Variants in WDR72 observed in about 807,000 individuals in gnomAD.
WDR72 encodes WD repeat-containing protein 72.
Under a neutral mutation model 124.2 loss-of-function variants are expected in WDR72, and 120 were observed. The observed-to-expected ratio is 0.97, with a 90% CI of 0.83 to 1.12. WDR72 has a LOEUF of 1.12. Among genes scored for constraint, WDR72 ranks in the 50% most tolerant of loss-of-function variants. The probability of loss-of-function intolerance (pLI) is 0.00; values close to 1 mark genes in which losing one functional copy is unlikely to be tolerated. For synonymous variants in WDR72, 452 were observed against 441.7 expected (o/e 1.02, Z -0.29); for missense variants, 1,387 against 1,278.8 (o/e 1.08, Z -1.29).
intron 18 of WDR72, among the ~76,000 whole-genome samples, chr15:53,567,371 G>T (rs1894339503): frequency 6.6e-6 from 1 of 151,782 alleles, no homozygotes; most frequent in Non-Finnish European, 1.5e-5. Context: ...TCAATTGATG[G>T]GTTCAGACTC....
At chr15:53,569,826 T>C (rs149156726) in intron 18 of WDR72, among the ~76,000 whole-genome samples, 201 of 152,232 alleles carry the variant, frequency 1.3e-3, no homozygotes, top group Admixed American at 4.5e-3. Context: ...TCATTACTTT[T>C]ATTTTGCTTA....
At chr15:53,643,735 T>A (rs1428894567) in intron 14 of WDR72, among the ~76,000 whole-genome samples, 2 of 131,440 alleles carry the variant, frequency 1.5e-5, no homozygotes, top group Admixed American at 1.4e-4. Flanking sequence ...TGTATGTATC[T>A]GTGTGTGTGC....
intron 18 of WDR72, among the ~76,000 whole-genome samples, chr15:53,558,490 A>G (rs1894009342): frequency 6.6e-6 from 1 of 152,080 alleles, no homozygotes; most frequent in South Asian, 2.1e-4. Context: ...TACTCCATAG[A>G]TACTATCCCC....
chr15:53,702,698 C>A (rs1173978538), intron 11 of WDR72, among the ~76,000 whole-genome samples: 1 of 152,066 alleles, frequency 6.6e-6, no homozygotes, highest in Non-Finnish European at 1.5e-5. Context: ...CATGGTGAAA[C>A]CCCATCTCTA....
At chr15:53,615,210 G>A (rs2013704915) in intron 15 of WDR72, among the ~76,000 whole-genome samples, 1 of 151,806 alleles carries the variant, frequency 6.6e-6, no homozygotes, top group South Asian at 2.1e-4. Context: ...TTGAGTTAAT[G>A]AATTTTAAAT....
chr15:53,716,506 A>G lies in WDR72; in HGVS notation c.339+101T>C, dbSNP rs1394579846. ...CTCATGACAAAATAAAAATTCAAGC[A>G]AAGAATATTCTCCAAAGATGTTTCT... On this transcript the variant is annotated intron_variant, in intron 4 of 19. Transcript: ENST00000360509. The G allele has an allele frequency of 4.6e-6, 4 of 860,786 alleles. No individual in the cohort carries two copies. The African/African-American group carries it at 6.6e-5, about 14-fold the overall frequency. 53.3% of individuals were successfully genotyped at this position (860,786 alleles called of 1,614,324 possible).
intron 14 of WDR72, among the ~76,000 whole-genome samples, chr15:53,658,305 C>T (rs147517176): frequency 6.2e-4 from 95 of 152,144 alleles, no homozygotes; most frequent in Non-Finnish European, 7.5e-4. Flanking sequence ...CATAACAGCT[C>T]GCAATGGTAG....
chr15:53,546,548 A>T (rs918563825), intron 18 of WDR72, among the ~76,000 whole-genome samples: 2 of 152,014 alleles, frequency 1.3e-5, no homozygotes, highest in African/African-American at 2.4e-5. Context: ...TAGCATTGGG[A>T]GATATACCTA....
chr15:53,564,273 G>C (rs955199310), intron 18 of WDR72, among the ~76,000 whole-genome samples: 1 of 151,736 alleles, frequency 6.6e-6, no homozygotes, highest in Admixed American at 6.6e-5. Context: ...ATGAGGAATA[G>C]TTATATACTG....
rs183713437 is a variant in WDR72, at chr15:53,629,743, T to C, written c.1963-13500A>G. On this transcript the variant is annotated intron_variant, in intron 14 of 19. Coordinates refer to ENST00000360509, the MANE Select transcript of WDR72 (RefSeq NM_182758.4). ...TGTCCTAGCATTTTAATTTGCCTTA[T>C]TCTCATTGCCCCTCTCTAGCTCCAC... 3.8e-3 allele frequency among the ~76,000 whole-genome samples: 577 copies of C among 152,078 alleles called. 3 individuals carry two copies. Among genetic ancestry groups the C allele is most frequent in the Non-Finnish European group, 5.8e-3 (397 of 67,940 alleles).
chr15:53,673,746 T>G (rs1178766502), intron 13 of WDR72, among the ~76,000 whole-genome samples: 1 of 152,132 alleles, frequency 6.6e-6, no homozygotes, highest in Non-Finnish European at 1.5e-5. Context: ...TCCCAGCACT[T>G]TGGGAGGCCG....
intron 14 of WDR72, among the ~76,000 whole-genome samples, chr15:53,657,145 T>C (rs2015452977): frequency 6.6e-6 from 1 of 150,534 alleles, no homozygotes; most frequent in African/African-American, 2.4e-5. Context: ...GCACTTGTAG[T>C]CCCAGCTACT....
chr15:53,591,943 C>A (rs182911529), intron 18 of WDR72, among the ~76,000 whole-genome samples: 80 of 152,030 alleles, frequency 5.3e-4, no homozygotes, highest in African/African-American at 1.9e-3. Flanking sequence ...CTGAACACAC[C>A]AAGGATGCCT....
intron 17 of WDR72, among the ~76,000 whole-genome samples, chr15:53,607,120 A>G (rs1033335647): frequency 7.2e-5 from 11 of 152,168 alleles, no homozygotes; most frequent in African/African-American, 2.7e-4. Context: ...ACGCACAACT[A>G]TTTATTGTAC....
At chr15:53,575,736 T>C (rs906357668) in intron 18 of WDR72, among the ~76,000 whole-genome samples, 6 of 152,156 alleles carry the variant, frequency 3.9e-5, no homozygotes, top group African/African-American at 1.4e-4. Context: ...ATTTGGAGAA[T>C]GGTAATCTGA....
intron 9 of WDR72, among the ~76,000 whole-genome samples, chr15:53,706,586 A>C (rs2017387213): frequency 6.6e-6 from 1 of 151,548 alleles, no homozygotes; most frequent in African/African-American, 2.4e-5. Flanking sequence ...TGATTCAGCA[A>C]CCCATGTCTT....
At chr15:53,601,761 G>A (rs1186512420) in intron 17 of WDR72, among the ~76,000 whole-genome samples, 1 of 151,910 alleles carries the variant, frequency 6.6e-6, no homozygotes, top group African/African-American at 2.4e-5. Flanking sequence ...TATTACATAA[G>A]GGTAAAGGGT....
chr15:53,599,326 A>G (rs1165528641), intron 17 of WDR72, among the ~76,000 whole-genome samples: 1 of 152,072 alleles, frequency 6.6e-6, no homozygotes, highest in Non-Finnish European at 1.5e-5. Context: ...ATGTTATTTG[A>G]TATCACTGGT....
intron 18 of WDR72, among the ~76,000 whole-genome samples, chr15:53,590,663 G>C (rs1432987101): frequency 6.6e-6 from 1 of 152,014 alleles, no homozygotes; most frequent in East Asian, 1.9e-4. Flanking sequence ...TTCAAAGCCA[G>C]CCTGCCTGAG....
Sources: allele counts gnomAD v4.1 joint callset (sites outside exome capture counted in the v4.1 genomes callset), GRCh38; gene constraint gnomAD v4.1.1; transcripts MANE v1.5; gene names NCBI Gene and HGNC (gene_info 2026-07-23, HGNC 2026-07-21).